The following TMEM209 variants were observed in gnomAD, a reference collection of about 807,000 sequenced individuals.
TMEM209 encodes testicular tissue protein Li 202.
A neutral mutation model predicts 76.2 loss-of-function variants in TMEM209; 65 were observed. The observed-to-expected ratio is 0.85, with a 90% CI of 0.70 to 1.05. The LOEUF (loss-of-function observed/expected upper bound fraction) is 1.05. Ranked by LOEUF, TMEM209 falls within the 50% of genes least tolerant of loss-of-function variation. The pLI is 0.00. For missense variants in TMEM209, 623 were observed against 685.5 expected (o/e 0.91, Z 1.02); for synonymous variants, 239 against 237.6 (o/e 1.01, Z -0.06).
chr7:130,184,082 A>C, intron 8 of TMEM209, 102 bp downstream of exon 8: 1 of 746,634 alleles, frequency 1.3e-6, no homozygotes, highest in Non-Finnish European at 2.1e-6. Context: ...TACCTTTATA[A>C]CTAATATTCT....
At chr7:130,192,289 T>G (rs1797823642) in intron 6 of TMEM209, 1 of 229,676 alleles carries the variant, frequency 4.4e-6, no homozygotes, top group African/African-American at 2.3e-5. Context: ...AAAGACTACT[T>G]GAAAAGAGAC....
intron 13 of TMEM209, among the ~76,000 whole-genome samples, chr7:130,172,744 A>C (rs1234337706): frequency 6.6e-6 from 1 of 152,124 alleles, no homozygotes; most frequent in African/African-American, 2.4e-5. Context: ...TATGCCTGTA[A>C]TCCCAGCACT....
intron 13 of TMEM209, among the ~76,000 whole-genome samples, chr7:130,171,839 C>T (rs1250694199): frequency 6.6e-6 from 1 of 152,090 alleles, no homozygotes; most frequent in East Asian, 1.9e-4. Flanking sequence ...ACCATCCTGG[C>T]TAACACAGTA....
intron 14 of TMEM209, among the ~76,000 whole-genome samples, chr7:130,167,029 G>A (rs1451699050): frequency 1.3e-5 from 2 of 151,766 alleles, no homozygotes; most frequent in African/African-American, 2.4e-5. Flanking sequence ...AAAGTCTGAG[G>A]GAATAAGAGG....
Position 130,185,187 on chromosome 7 carries a change from C to T in TMEM209, c.951+5G>A, listed in dbSNP as rs1447599540. On this transcript the variant is annotated splice_donor_5th_base_variant and intron_variant, in intron 7 of 14. Coordinates refer to ENST00000397622, the MANE Select transcript of TMEM209 (RefSeq NM_032842.4). ...AATATTAAGTCACTTTTATTTTCCA[C>T]TTACCTCTTCTGCGGCTTGTTTAGA... 6.2e-7 allele frequency: 1 copy of T among 1,606,040 alleles called. No individual in the cohort carries two copies. Among genetic ancestry groups the T allele is most frequent in the Non-Finnish European group, 8.5e-7 (1 of 1,175,342 alleles).
intron 13 of TMEM209, among the ~76,000 whole-genome samples, chr7:130,172,998 CAAA>C (rs67876495): frequency 4.6e-5 from 4 of 86,684 alleles, no homozygotes; most frequent in Non-Finnish European, 6.2e-5. Context: ...GACTCTATCT[CAAA>C]AAAAAAAAAA....
At chr7:130,197,656 T>C (rs1473010797) in intron 5 of TMEM209, among the ~76,000 whole-genome samples, 1 of 152,214 alleles carries the variant, frequency 6.6e-6, no homozygotes, top group East Asian at 1.9e-4. Flanking sequence ...ACAGAATAAC[T>C]TAAAAAGATC....
chr7:130,195,288 C>T (rs973637161), intron 5 of TMEM209, among the ~76,000 whole-genome samples: 1 of 152,052 alleles, frequency 6.6e-6, no homozygotes, highest in African/African-American at 2.4e-5. Context: ...CTTCATCTAG[C>T]ATCTCTTATT....
chr7:130,170,324 C>A, intron 14 of TMEM209, 76 bp downstream of exon 14: 1 of 1,227,506 alleles, frequency 8.1e-7, no homozygotes, highest in Admixed American at 1.9e-5. Flanking sequence ...TTACATGCTG[C>A]TGCCTTCTGC....
At chr7:130,168,685 C>A (rs931214933) in intron 14 of TMEM209, among the ~76,000 whole-genome samples, 1 of 152,024 alleles carries the variant, frequency 6.6e-6, no homozygotes, top group Non-Finnish European at 1.5e-5. Flanking sequence ...AAAAATAAAG[C>A]CAGGTGGAGT....
chr7:130,190,411 G>A (rs1797753489), intron 6 of TMEM209, among the ~76,000 whole-genome samples: 1 of 151,654 alleles, frequency 6.6e-6, no homozygotes. Flanking sequence ...CTAGCTACTT[G>A]GAAAGCTGAG....
chr7:130,180,510 A>AG (rs1410757034), intron 9 of TMEM209, among the ~76,000 whole-genome samples: 1 of 151,936 alleles, frequency 6.6e-6, no homozygotes, highest in Non-Finnish European at 1.5e-5. Flanking sequence ...CTGGGATTAT[A>AG]GGCGCCTGCC....
At chr7:130,198,702 T>C (rs186852198) in intron 5 of TMEM209, among the ~76,000 whole-genome samples, 10 of 152,366 alleles carry the variant, frequency 6.6e-5, no homozygotes, top group African/African-American at 2.4e-4. Flanking sequence ...TAAATTCTGA[T>C]ACTGAAGCAT....
chr7:130,194,227 T>A (rs1273331073), intron 5 of TMEM209, among the ~76,000 whole-genome samples: 7 of 148,660 alleles, frequency 4.7e-5, no homozygotes, highest in African/African-American at 7.4e-5. Flanking sequence ...TATACCACTG[T>A]GAGGGGGTAT....
intron 13 of TMEM209, among the ~76,000 whole-genome samples, chr7:130,172,579 C>T (rs968869971): frequency 2.6e-5 from 4 of 151,974 alleles, no homozygotes; most frequent in Non-Finnish European, 5.9e-5. Context: ...CTCCTGACTT[C>T]GTGATCTGCC....
intron 13 of TMEM209, among the ~76,000 whole-genome samples, chr7:130,171,154 A>G (rs1341297783): frequency 6.6e-6 from 1 of 152,190 alleles, no homozygotes; most frequent in Non-Finnish European, 1.5e-5. Flanking sequence ...GCCCCTGTAC[A>G]CTACACATAT....
intron 6 of TMEM209, among the ~76,000 whole-genome samples, chr7:130,191,743 T>C (rs1797803066): frequency 6.6e-6 from 1 of 152,148 alleles, no homozygotes; most frequent in African/African-American, 2.4e-5. Flanking sequence ...AGAATAAAAG[T>C]GAAGTCAGAA....
At chr7:130,183,261 A>G (rs1797485107) in intron 8 of TMEM209, among the ~76,000 whole-genome samples, 1 of 152,134 alleles carries the variant, frequency 6.6e-6, no homozygotes, top group African/African-American at 2.4e-5. Context: ...AGCTGTGACA[A>G]ATGGTACAAA....
rs1242877727 is a variant in TMEM209 at position 130,178,532 on chromosome 7, T to C, written c.1121-5A>G. On this transcript the variant is annotated splice_polypyrimidine_tract_variant and splice_region_variant and intron_variant, in intron 9 of 14. Transcript: ENST00000397622. ...TCAAGCTAGTAATACTAGCCTCTGT[T>C]AACATAAAACACAGAGAACACTGAT... The C allele has an allele frequency of 1.2e-6, 2 of 1,612,894 alleles. No homozygotes were observed. The highest frequency in any genetic ancestry group is 1.7e-6 in the Non-Finnish European group (2 of 1,179,532).
Sources: gnomAD v4.1 joint callset for allele counts (sites outside exome capture counted in the v4.1 genomes callset) on GRCh38, gnomAD v4.1.1 for gene constraint, MANE v1.5 for transcripts, NCBI Gene and HGNC (gene_info 2026-07-23, HGNC 2026-07-21) for gene names.